NFATC3: variants seen among roughly 807,000 people sequenced by gnomAD.
The protein encoded by NFATC3 is nuclear factor of activated T-cells, cytoplasmic 3.
In NFATC3, 46 loss-of-function variants were observed where a neutral mutation model predicts 98.6. The observed-to-expected ratio is 0.47, with a 90% CI of 0.37 to 0.60. NFATC3 has a LOEUF of 0.60. Among genes scored for constraint, NFATC3 ranks in the 20% least tolerant of loss-of-function variants. NFATC3 has a pLI of 0.00. For synonymous variants in NFATC3, 512 were observed against 472.2 expected (o/e 1.08, Z -1.09); for missense variants, 1,256 against 1,295.5 (o/e 0.97, Z 0.47).
At chr16:68,097,230 C>G (rs967101380) in intron 1 of NFATC3, among the ~76,000 whole-genome samples, 1 of 152,166 alleles carries the variant, frequency 6.6e-6, no homozygotes, top group Non-Finnish European at 1.5e-5. Context: ...TGTGCTATTA[C>G]AAAATGTCTG....
chr16:68,085,745 G>A lies in NFATC3; in HGVS notation c.64G>A (p.Gly22Arg). 1 of 1,505,478 alleles carries A rather than the reference G, an allele frequency of 6.6e-7. No homozygotes were observed. The highest frequency in any genetic ancestry group is 8.8e-7 in the Non-Finnish European group (1 of 1,130,994). The allele number at this position is 1,505,478 out of a possible 1,614,324, so 93.3% of individuals were successfully genotyped here. A position where few individuals can be genotyped will look rare whatever the true frequency, so the allele number is the denominator to read the frequency against. ...CTTCAAACTCGTCTTTGGCGAGGAC[G>A]GGGCGCCGGCGCCGCCGCCCCCGGG... ...LDFKLVFGEDGAPAPPPPGSR... is the reference protein window; with the variant it reads ...LDFKLVFGEDRAPAPPPPGSR... Residue 22 changes from glycine (G) to arginine (R), a missense_variant, in exon 1 of 10, where the codon GGG (glycine) becomes AGG (arginine). By Grantham distance (125) the Gly-to-Arg change is moderately radical (BLOSUM62 -2). Coordinates refer to ENST00000346183, the MANE Select transcript of NFATC3 (RefSeq NM_173165.3).
Position 68,126,615 on chromosome 16 carries a change from G to A in NFATC3, c.1401+5G>A. ...GGGGGACATCCTGTTGTGAAGGTATGAGACTTTTGGGGCTTGTTTTGCAGA... is the reference window on the plus strand; with the variant it reads ...GGGGGACATCCTGTTGTGAAGGTATAAGACTTTTGGGGCTTGTTTTGCAGA... On this transcript the variant is annotated splice_donor_5th_base_variant and intron_variant, in intron 3 of 9. Transcript: ENST00000346183. The A allele has an allele frequency of 6.2e-7, 1 of 1,613,856 alleles. No individual in the cohort carries two copies. The highest frequency in any genetic ancestry group is 8.5e-7 in the Non-Finnish European group (1 of 1,179,840).
At chr16:68,086,142 G>A (rs1401201503) in intron 1 of NFATC3, among the ~76,000 whole-genome samples, 1 of 152,166 alleles carries the variant, frequency 6.6e-6, no homozygotes. Flanking sequence ...AGCGCACTGG[G>A]TTTTTCATCT....
In NFATC3 at chr16:68,085,439, G is replaced by C. The variant is rs866522555; in HGVS notation, c.-243G>C. ...GGGGGCGGCGGGGAACATTGGCTAA[G>C]CCGACAGTGGAGGCTTAGGCACCGG... On this transcript the variant is annotated 5_prime_UTR_variant, in exon 1 of 10. Coordinates refer to ENST00000346183, the MANE Select transcript of NFATC3 (RefSeq NM_173165.3). The C allele has an allele frequency of 5.4e-4, 196 of 365,316 alleles. No individual in the cohort carries two copies. Among genetic ancestry groups the C allele is most frequent in the Non-Finnish European group, 9.1e-4 (183 of 201,798 alleles). 22.6% of individuals were successfully genotyped at this position (365,316 alleles called of 1,614,324 possible).
At chr16:68,133,110 A>G (rs1230966184) in intron 3 of NFATC3, among the ~76,000 whole-genome samples, 3 of 152,172 alleles carry the variant, frequency 2.0e-5, no homozygotes, top group Non-Finnish European at 4.4e-5. Flanking sequence ...TATTAAAAAT[A>G]CAAAAATTAA....
At chr16:68,158,466 G>A (rs2038724134) in intron 4 of NFATC3, among the ~76,000 whole-genome samples, 1 of 152,166 alleles carries the variant, frequency 6.6e-6, no homozygotes, top group South Asian at 2.1e-4. Context: ...CAAATAAGAT[G>A]AGGTGGCCAA....
chr16:68,127,212 C>T (rs2036882742), intron 3 of NFATC3, among the ~76,000 whole-genome samples: 1 of 151,914 alleles, frequency 6.6e-6, no homozygotes, highest in Non-Finnish European at 1.5e-5. Context: ...GACTCTGTCT[C>T]TAAATAAATA....
intron 9 of NFATC3, among the ~76,000 whole-genome samples, chr16:68,195,734 A>G (rs544730840): frequency 4.2e-4 from 64 of 151,926 alleles, no homozygotes; most frequent in African/African-American, 1.5e-3. Flanking sequence ...CGTGAACCCA[A>G]GAGGCGGAGC....
At chr16:68,155,192 T>G (rs1325632902) in intron 3 of NFATC3, among the ~76,000 whole-genome samples, 1 of 152,164 alleles carries the variant, frequency 6.6e-6, no homozygotes, top group East Asian at 1.9e-4. Context: ...GCTGGACAAG[T>G]AGGCGGGAAT....
At chr16:68,206,153 C>CT (rs1290369032) in intron 9 of NFATC3, among the ~76,000 whole-genome samples, 2 of 152,160 alleles carry the variant, frequency 1.3e-5, no homozygotes, top group African/African-American at 4.8e-5. Context: ...CAAAAGTCCT[C>CT]TAAGTCTTGC....
intron 9 of NFATC3, among the ~76,000 whole-genome samples, chr16:68,203,109 A>T (rs2040997122): frequency 6.6e-6 from 1 of 152,186 alleles, no homozygotes; most frequent in East Asian, 1.9e-4. Flanking sequence ...GGCTTATGCG[A>T]GATGGACCAT....
chr16:68,116,038 T>C (rs1221831446), intron 1 of NFATC3, among the ~76,000 whole-genome samples: 2 of 152,004 alleles, frequency 1.3e-5, no homozygotes, highest in East Asian at 3.9e-4. Flanking sequence ...GGAATAGGGG[T>C]AGTACATGTG....
At chr16:68,155,987 G>T (rs1298725694) in intron 3 of NFATC3, among the ~76,000 whole-genome samples, 1 of 152,084 alleles carries the variant, frequency 6.6e-6, no homozygotes, top group African/African-American at 2.4e-5. Flanking sequence ...AGAGATGGAG[G>T]ACTTTCATTA....
chr16:68,191,527 A>G lies in NFATC3; in HGVS notation c.2858A>G (p.Gln953Arg). 1 of 1,614,042 alleles carries G rather than the reference A, an allele frequency of 6.2e-7. No homozygotes were observed. The highest frequency in any genetic ancestry group is 1.3e-5 in the African/African-American group (1 of 74,990). Reference protein sequence around the residue: ...PSPQLQPMPYQSPSSGTASSP... With the variant: ...PSPQLQPMPYRSPSSGTASSP... ...CCTCAGCTTCAGCCTATGCCTTACC[A>G]ATCTCCTAGCTCAGGAACTGCCTCA... The change falls in exon 9 of 10, where the codon CAA becomes CGA. Residue 953 changes from glutamine (Q) to arginine (R), a missense_variant. This residue lies in a region of NFATC3 where 636 missense variants were observed against 617.3 expected (regional missense o/e 1.03). Coordinates refer to ENST00000346183, the MANE Select transcript of NFATC3 (RefSeq NM_173165.3).
At chr16:68,170,494 CTTTTT>C (rs1364251442) in intron 5 of NFATC3, among the ~76,000 whole-genome samples, 1 of 131,058 alleles carries the variant, frequency 7.6e-6, no homozygotes, top group East Asian at 2.2e-4. Flanking sequence ...TCTGGCTGTT[CTTTTT>C]TTTTTTTTTT....
At chr16:68,095,347 A>ATTTTTTT (rs35343240) in intron 1 of NFATC3, among the ~76,000 whole-genome samples, 1 of 103,832 alleles carries the variant, frequency 9.6e-6, no homozygotes, top group South Asian at 3.1e-4. Context: ...TGCCCAGCTA[A>ATTTTTTT]TTTTTTTTTT....
intron 9 of NFATC3, among the ~76,000 whole-genome samples, chr16:68,213,846 A>T (rs916677905): frequency 1.3e-5 from 2 of 152,232 alleles, no homozygotes; most frequent in Admixed American, 1.3e-4. Context: ...ATACTCTTCC[A>T]TGACTCCCAG....
Position 68,226,457 on chromosome 16 carries a change from T to A in NFATC3, c.3214T>A (p.Ser1072Thr). The A allele has an allele frequency of 6.5e-7, 1 of 1,549,160 alleles. No homozygotes were observed. Among genetic ancestry groups the A allele is most frequent in the Non-Finnish European group, 8.7e-7 (1 of 1,154,370 alleles). ...PSPESLDLGR[S>T]DGL is the part of the protein sequence containing the mutation. ...TCCTGAGTCCCTGGATTTAGGAAGA[T>A]CTGATGGGCTCTAACAGTGCTTACT... Residue 1072 changes from serine to threonine, a missense_variant, in exon 10 of 10, where the codon TCT becomes ACT. Around this residue, in one of 3 missense-constraint regions of NFATC3, gnomAD observed 636 missense variants for 617.3 expected, o/e 1.03. Transcript: ENST00000346183.
intron 9 of NFATC3, among the ~76,000 whole-genome samples, chr16:68,208,084 G>A (rs1004631247): frequency 6.6e-6 from 1 of 151,874 alleles, no homozygotes; most frequent in African/African-American, 2.4e-5. Context: ...CACCCAAGCT[G>A]GAGTGTAGTG....
Sources: allele counts gnomAD v4.1 joint callset (sites outside exome capture counted in the v4.1 genomes callset), GRCh38; gene constraint gnomAD v4.1.1; regional missense constraint gnomAD v4.1.1; transcripts MANE v1.5; gene names NCBI Gene and HGNC (gene_info 2026-07-23, HGNC 2026-07-21).